TSPAN5: variants seen among roughly 807,000 people sequenced by gnomAD.
TSPAN5 encodes the protein tetraspanin 5.
Under a neutral mutation model 37.1 loss-of-function variants are expected in TSPAN5, and 10 were observed. The observed-to-expected ratio is 0.27, with a 90% confidence interval of 0.17 to 0.46. The LOEUF (loss-of-function observed/expected upper bound fraction) is 0.46. TSPAN5 is among the 20% of genes least tolerant of loss of function. The pLI is 1.00. For missense variants in TSPAN5, 195 were observed against 326.6 expected, an observed-to-expected ratio of 0.60 and a Z score of 3.11; for synonymous variants, 110 against 118.9, an observed-to-expected ratio of 0.93 and a Z score of 0.48.
chr4:98,471,010 T>TA lies in TSPAN5; in HGVS notation c.*1511dup, dbSNP rs1279589802. ...AACATCCGGTGGACACCAGCTGGAT[T>TA]AAAATCTAGAGGGCAAAACTCGTCC... On this transcript the variant is annotated 3_prime_UTR_variant, in exon 8 of 8. Coordinates refer to ENST00000305798, the MANE Select transcript of TSPAN5 (RefSeq NM_005723.4). 6.6e-6 allele frequency: 1 copy of TA among 152,124 alleles called. No homozygotes were observed. The highest frequency in any genetic ancestry group is 1.9e-4 in the East Asian group (1 of 5,170). The allele number at this position is 152,124 out of a possible 1,614,324, so 9.4% of individuals were successfully genotyped here. A position where few individuals can be genotyped will look rare whatever the true frequency, so the allele number is the denominator to read the frequency against.
intron 1 of TSPAN5, among the ~76,000 whole-genome samples, chr4:98,520,444 C>A (rs1024037456): frequency 6.6e-5 from 10 of 152,198 alleles, no homozygotes; most frequent in African/African-American, 2.4e-4. Context: ...CAAAAAGGAA[C>A]TCAGGACTGG....
chr4:98,646,981 G>C (rs1757083354), intron 1 of TSPAN5, among the ~76,000 whole-genome samples: 1 of 152,168 alleles, frequency 6.6e-6, no homozygotes, highest in African/African-American at 2.4e-5. Context: ...TTTTGCAGAT[G>C]AAGGGGAGAC....
Position 98,476,486 on chromosome 4 carries a change from T to C in TSPAN5, c.577-26A>G, listed in dbSNP as rs376498834. 1.7e-5 allele frequency: 28 copies of C among 1,612,906 alleles called. No homozygotes were observed. The Middle Eastern group carries it at 5.1e-4, about 29-fold the overall frequency. On this transcript the variant is annotated intron_variant, in intron 5 of 7. Coordinates refer to ENST00000305798, the MANE Select transcript of TSPAN5 (RefSeq NM_005723.4). ...CTGGTGAAGAAAGGAAAGAGAAAAGTGAAATTTACTCATTAGACAGAAAGC... is the reference window on the plus strand; with the variant it reads ...CTGGTGAAGAAAGGAAAGAGAAAAGCGAAATTTACTCATTAGACAGAAAGC...
chr4:98,567,462 A>C (rs1435118952), intron 1 of TSPAN5, among the ~76,000 whole-genome samples: 1 of 152,280 alleles, frequency 6.6e-6, no homozygotes, highest in African/African-American at 2.4e-5. Context: ...TGAAGAAACC[A>C]GGCACATCTA....
intron 1 of TSPAN5, among the ~76,000 whole-genome samples, chr4:98,549,302 GTTT>G (rs1236454299): frequency 8.6e-6 from 1 of 116,292 alleles, no homozygotes; most frequent in Non-Finnish European, 1.6e-5. Flanking sequence ...GTTTGTTTTT[GTTT>G]TTTTTTGTTT....
intron 3 of TSPAN5, among the ~76,000 whole-genome samples, chr4:98,485,993 A>G (rs1752950335): frequency 2.0e-5 from 3 of 152,268 alleles, no homozygotes; most frequent in South Asian, 4.1e-4. Context: ...GACGCCCATC[A>G]GAGTGCCAAG....
intron 1 of TSPAN5, among the ~76,000 whole-genome samples, chr4:98,605,216 G>C (rs74640460): frequency 0.011 from 1,629 of 152,140 alleles, 31 homozygotes; most frequent in African/African-American, 0.037. Context: ...AAAACCGCAA[G>C]GTTTGAAAGA....
chr4:98,560,241 G>C (rs565320180), intron 1 of TSPAN5: 1 of 152,182 alleles, frequency 6.6e-6, no homozygotes, highest in Admixed American at 6.5e-5. Context: ...AATGAAGAGA[G>C]TGGCTCATAA....
chr4:98,649,158 T>C (rs1436839399), intron 1 of TSPAN5, among the ~76,000 whole-genome samples: 1 of 152,232 alleles, frequency 6.6e-6, no homozygotes, highest in East Asian at 1.9e-4. Flanking sequence ...CTTTCTTAAG[T>C]GGTGGGACCC....
At chr4:98,495,932 A>G (rs1753201706) in intron 2 of TSPAN5, among the ~76,000 whole-genome samples, 1 of 152,196 alleles carries the variant, frequency 6.6e-6, no homozygotes, top group Admixed American at 6.5e-5. Flanking sequence ...ACTGCTGGAT[A>G]AGAAAGAGAG....
chr4:98,597,980 T>A (rs1327815646), intron 1 of TSPAN5, among the ~76,000 whole-genome samples: 3 of 102,254 alleles, frequency 2.9e-5, no homozygotes, highest in East Asian at 2.5e-4. Flanking sequence ...TCGAGCTTAC[T>A]GGCTGCTTTG....
At chr4:98,640,808 G>A (rs1008614932) in intron 1 of TSPAN5, among the ~76,000 whole-genome samples, 4 of 152,188 alleles carry the variant, frequency 2.6e-5, no homozygotes, top group Admixed American at 2.6e-4. Flanking sequence ...CCAGGTGACA[G>A]TGAACCAAAA....
chr4:98,587,558 TA>T (rs940772930), intron 1 of TSPAN5, among the ~76,000 whole-genome samples: 12 of 152,122 alleles, frequency 7.9e-5, no homozygotes, highest in African/African-American at 2.7e-4. Flanking sequence ...CGCCCATCCA[TA>T]CCCCAGTGAA....
chr4:98,537,796 C>T (rs2110137585), intron 1 of TSPAN5, among the ~76,000 whole-genome samples: 1 of 152,354 alleles, frequency 6.6e-6, no homozygotes. Flanking sequence ...ATCCACACCC[C>T]TCTGCACCTA....
intron 1 of TSPAN5, among the ~76,000 whole-genome samples, chr4:98,590,184 T>A (rs1453502882): frequency 6.6e-6 from 1 of 152,184 alleles, no homozygotes; most frequent in Non-Finnish European, 1.5e-5. Flanking sequence ...CATCTGATTC[T>A]CATATTCAAT....
At chr4:98,627,424 C>A (rs1259912342) in intron 1 of TSPAN5, among the ~76,000 whole-genome samples, 1 of 151,178 alleles carries the variant, frequency 6.6e-6, no homozygotes, top group Non-Finnish European at 1.5e-5. Context: ...AAAAAAAAAA[C>A]ACAAAAGGAA....
intron 1 of TSPAN5, among the ~76,000 whole-genome samples, chr4:98,586,351 T>C (rs996723127): frequency 6.6e-5 from 10 of 152,184 alleles, no homozygotes; most frequent in African/African-American, 2.2e-4. Flanking sequence ...AATCTAACCT[T>C]TCCCCATTAA....
chr4:98,500,803 G>T (rs924959276), intron 2 of TSPAN5, among the ~76,000 whole-genome samples: 4 of 152,138 alleles, frequency 2.6e-5, no homozygotes, highest in Non-Finnish European at 5.9e-5. Flanking sequence ...ATTGTGGTAG[G>T]AACTGAGAAT....
intron 1 of TSPAN5, among the ~76,000 whole-genome samples, chr4:98,643,138 G>A (rs1756993145): frequency 6.6e-6 from 1 of 152,134 alleles, no homozygotes; most frequent in Non-Finnish European, 1.5e-5. Flanking sequence ...CTACATTGGT[G>A]TACCACTTTT....
Sources: allele counts gnomAD v4.1 joint callset (sites outside exome capture counted in the v4.1 genomes callset), GRCh38; gene constraint gnomAD v4.1.1; transcripts MANE v1.5; gene names NCBI Gene and HGNC (gene_info 2026-07-23, HGNC 2026-07-21).